KCNJ6: variants seen among roughly 807,000 people sequenced by gnomAD.
The protein encoded by KCNJ6 is G protein-activated inward rectifier potassium channel 2.
A neutral mutation model predicts 34.2 loss-of-function variants in KCNJ6; 9 were observed. That is an observed-to-expected ratio of 0.26 (90% confidence interval 0.16 to 0.46). KCNJ6 has a LOEUF of 0.46. Among genes scored for constraint, KCNJ6 ranks in the 20% least tolerant of loss-of-function variants. The pLI is 1.00. For missense variants in KCNJ6, 236 were observed against 531.3 expected (o/e 0.44, Z 5.46); for synonymous variants, 196 against 207.1 (o/e 0.95, Z 0.46).
At chr21:37,696,908 C>T (rs1048599339) in intron 3 of KCNJ6, among the ~76,000 whole-genome samples, 1 of 152,192 alleles carries the variant, frequency 6.6e-6, no homozygotes, top group African/African-American at 2.4e-5. Context: ...CTGCCCCTAG[C>T]TCCTGAGGTA....
chr21:37,707,159 A>C (rs1362146819), intron 3 of KCNJ6, among the ~76,000 whole-genome samples: 1 of 152,192 alleles, frequency 6.6e-6, no homozygotes, highest in Non-Finnish European at 1.5e-5. Context: ...GTGCTTGTGC[A>C]CTGTGTGGCC....
rs1209608546 is a variant in KCNJ6, at chr21:37,624,032, G to A, written c.*1127C>T. On this transcript the variant is annotated 3_prime_UTR_variant, in exon 4 of 4. Coordinates refer to ENST00000609713, the MANE Select transcript of KCNJ6 (RefSeq NM_002240.5). Reference sequence around the variant, plus strand: ...TAAGAGTGTAGAGAAACTACAGCTGGAGAATCAATGGTTTTGCAGAAAAGT... The same window carrying A: ...TAAGAGTGTAGAGAAACTACAGCTGAAGAATCAATGGTTTTGCAGAAAAGT... The A allele has an allele frequency of 1.3e-5, 2 of 152,182 alleles. No homozygotes were observed. The highest frequency in any genetic ancestry group is 4.8e-5 in the African/African-American group (2 of 41,440). 9.4% of individuals were successfully genotyped at this position (152,182 alleles called of 1,614,324 possible). A position where few individuals can be genotyped will look rare whatever the true frequency, so the allele number is the denominator to read the frequency against.
intron 2 of KCNJ6, among the ~76,000 whole-genome samples, chr21:37,772,671 C>G (rs989321887): frequency 1.3e-5 from 2 of 152,114 alleles, no homozygotes; most frequent in Admixed American, 1.3e-4. Flanking sequence ...GCCTATATTT[C>G]TCTTGCTATT....
At chr21:37,668,289 G>C (rs1259085710) in intron 3 of KCNJ6, among the ~76,000 whole-genome samples, 1 of 152,124 alleles carries the variant, frequency 6.6e-6, no homozygotes, top group East Asian at 1.9e-4. Flanking sequence ...TAGTGCCCCA[G>C]GGGTAATGGG....
intron 1 of KCNJ6, among the ~76,000 whole-genome samples, chr21:37,905,183 T>C (rs946692009): frequency 1.3e-5 from 2 of 152,210 alleles, no homozygotes; most frequent in Admixed American, 6.5e-5. Context: ...GGTCCATTTT[T>C]CTATTACTCA....
In KCNJ6 at chr21:37,649,157, A is replaced by AAAAAAAC. The variant is rs755535850; in HGVS notation, c.947-23674_947-23673insGTTTTTT. On this transcript the variant is annotated intron_variant, in intron 3 of 3. Transcript: ENST00000609713. ...CAAAAAAAAAAAAAAAAAAAAAAGA[A>AAAAAAAC]AGAAAAAGAAAGGGAGTTTATAAAT... Among the ~76,000 whole-genome samples the AAAAAAAC allele has an allele frequency of 2.3e-3, 313 of 133,924 alleles. 11 individuals are homozygous for AAAAAAAC. Among genetic ancestry groups the AAAAAAAC allele is most frequent in the East Asian group, 6.2e-3 (25 of 4,044 alleles). The allele number at this position is 133,924 out of a possible 152,430, so 87.9% of individuals were successfully genotyped here.
intron 2 of KCNJ6, among the ~76,000 whole-genome samples, chr21:37,839,581 G>C (rs2055468707): frequency 6.6e-6 from 1 of 152,150 alleles, no homozygotes; most frequent in African/African-American, 2.4e-5. Flanking sequence ...GTTAATTTTT[G>C]CAGGCCAAAT....
intron 2 of KCNJ6, among the ~76,000 whole-genome samples, chr21:37,717,440 T>G (rs535336592): frequency 2.6e-5 from 4 of 150,964 alleles, no homozygotes; most frequent in East Asian, 2.1e-4. Flanking sequence ...GGTGTATGGA[T>G]GGAGGCAAAG....
At chr21:37,910,413 A>G (rs369888142) in intron 1 of KCNJ6, among the ~76,000 whole-genome samples, 2 of 152,350 alleles carry the variant, frequency 1.3e-5, no homozygotes, top group East Asian at 1.9e-4. Context: ...TGGATAAGAA[A>G]AAAGTAGATG....
At chr21:37,792,942 G>T (rs1448062574) in intron 2 of KCNJ6, among the ~76,000 whole-genome samples, 2 of 152,134 alleles carry the variant, frequency 1.3e-5, no homozygotes, top group African/African-American at 4.8e-5. Flanking sequence ...GTGAGGCTTG[G>T]TCACAAGGTG....
At chr21:37,855,445 C>A (rs139216263) in intron 1 of KCNJ6, among the ~76,000 whole-genome samples, 3 of 152,266 alleles carry the variant, frequency 2.0e-5, no homozygotes, top group Admixed American at 6.5e-5. Context: ...GTTCTTGGAA[C>A]CTTTCTATAG....
chr21:37,691,616 C>G (rs751350075), intron 3 of KCNJ6, among the ~76,000 whole-genome samples: 2 of 152,318 alleles, frequency 1.3e-5, no homozygotes, highest in South Asian at 4.1e-4. Context: ...TTTCCAGGAA[C>G]ATCTTCAGCC....
chr21:37,643,140 T>C (rs932025919), intron 3 of KCNJ6, among the ~76,000 whole-genome samples: 2 of 152,148 alleles, frequency 1.3e-5, no homozygotes, highest in Non-Finnish European at 2.9e-5. Flanking sequence ...TTTTCATGGA[T>C]CTATGGGCTC....
At chr21:37,628,727 C>T (rs2054321403) in intron 3 of KCNJ6, among the ~76,000 whole-genome samples, 1 of 152,158 alleles carries the variant, frequency 6.6e-6, no homozygotes, top group South Asian at 2.1e-4. Context: ...GAGATTCACA[C>T]TGAGACACAT....
chr21:37,759,425 C>G (rs919751417), intron 2 of KCNJ6, among the ~76,000 whole-genome samples: 16 of 152,310 alleles, frequency 1.1e-4, no homozygotes, highest in African/African-American at 3.8e-4. Context: ...CTCTCCATCC[C>G]TGTTACAGCA....
At chr21:37,810,744 A>G (rs901127121) in intron 2 of KCNJ6, among the ~76,000 whole-genome samples, 3 of 152,132 alleles carry the variant, frequency 2.0e-5, no homozygotes, top group Admixed American at 6.5e-5. Context: ...GGTGTGTGAT[A>G]CTGTGATTTA....
At chr21:37,680,032 T>G (rs1025107962) in intron 3 of KCNJ6, among the ~76,000 whole-genome samples, 14 of 152,230 alleles carry the variant, frequency 9.2e-5, no homozygotes, top group East Asian at 5.8e-4. Context: ...GATATTTGTA[T>G]GTATATCAAT....
At chr21:37,892,072 A>G (rs1178708814) in intron 1 of KCNJ6, among the ~76,000 whole-genome samples, 1 of 152,212 alleles carries the variant, frequency 6.6e-6, no homozygotes, top group Non-Finnish European at 1.5e-5. Flanking sequence ...CTTTAAATCA[A>G]TGGTTCTCAA....
At chr21:37,829,165 C>T (rs1439890988) in intron 2 of KCNJ6, among the ~76,000 whole-genome samples, 1 of 131,600 alleles carries the variant, frequency 7.6e-6, no homozygotes, top group African/African-American at 3.0e-5. Context: ...GAGCCTGAAC[C>T]AGGGGTGGAG....
Sources: gnomAD v4.1 joint callset for allele counts (sites outside exome capture counted in the v4.1 genomes callset) on GRCh38, gnomAD v4.1.1 for gene constraint, MANE v1.5 for transcripts, NCBI Gene and HGNC (gene_info 2026-07-23, HGNC 2026-07-21) for gene names.